RHOJ: variants seen among roughly 807,000 people sequenced by gnomAD.
RHOJ encodes rho-related GTP-binding protein RhoJ.
A neutral mutation model predicts 23.4 loss-of-function variants in RHOJ; 11 were observed. That is an observed-to-expected ratio of 0.47 (90% confidence interval 0.30 to 0.78). The LOEUF is 0.78. RHOJ is among the 30% of genes least tolerant of loss of function. The probability of loss-of-function intolerance (pLI) is 0.08; values close to 1 mark genes in which losing one functional copy is unlikely to be tolerated. For missense variants in RHOJ, 254 were observed against 273.4 expected (o/e 0.93, Z 0.50); for synonymous variants, 102 against 102.7 (o/e 0.99, Z 0.04).
chr14:63,225,379 C>A (rs573594067), intron 1 of RHOJ, among the ~76,000 whole-genome samples: 93 of 152,164 alleles, frequency 6.1e-4, no homozygotes, highest in Non-Finnish European at 1.1e-3. Context: ...AAAAAGAAAA[C>A]AAAGCCATTT....
chr14:63,207,320 G>A (rs555309685), intron 1 of RHOJ, among the ~76,000 whole-genome samples: 21 of 152,214 alleles, frequency 1.4e-4, no homozygotes, highest in Non-Finnish European at 2.4e-4. Context: ...GTGAGCCACC[G>A]CGCCCAACCA....
At chr14:63,228,626 G>GT (rs1420970766) in intron 1 of RHOJ, among the ~76,000 whole-genome samples, 3 of 150,784 alleles carry the variant, frequency 2.0e-5, no homozygotes, top group Non-Finnish European at 4.4e-5. Context: ...TCCATATGTG[G>GT]TTAAAAAAAA....
intron 1 of RHOJ, among the ~76,000 whole-genome samples, chr14:63,260,209 G>A (rs181181333): frequency 5.0e-4 from 76 of 152,272 alleles, no homozygotes; most frequent in African/African-American, 1.7e-3. Context: ...ATTCTCAAAT[G>A]CACAATATTT....
intron 1 of RHOJ, among the ~76,000 whole-genome samples, chr14:63,230,621 C>A (rs1391109151): frequency 6.6e-6 from 1 of 151,782 alleles, no homozygotes; most frequent in East Asian, 1.9e-4. Flanking sequence ...TAAAAACGAG[C>A]TACTCTCCAC....
At chr14:63,264,514 T>C (rs984941911) in intron 1 of RHOJ, among the ~76,000 whole-genome samples, 1 of 152,192 alleles carries the variant, frequency 6.6e-6, no homozygotes, top group Non-Finnish European at 1.5e-5. Flanking sequence ...GAACAGTTTT[T>C]TGGTCTTTGG....
chr14:63,284,746 T>C (rs1882026189), intron 4 of RHOJ, among the ~76,000 whole-genome samples: 1 of 152,228 alleles, frequency 6.6e-6, no homozygotes, highest in South Asian at 2.1e-4. Context: ...GATGTCCCCA[T>C]TGGCCGGCAC....
chr14:63,247,320 T>C (rs552616655), intron 1 of RHOJ, among the ~76,000 whole-genome samples: 1 of 152,316 alleles, frequency 6.6e-6, no homozygotes, highest in Admixed American at 6.5e-5. Flanking sequence ...GTTTCCCTGC[T>C]CACCAAATGT....
intron 2 of RHOJ, among the ~76,000 whole-genome samples, chr14:63,272,492 A>G (rs969516944): frequency 6.6e-6 from 1 of 152,244 alleles, no homozygotes; most frequent in Non-Finnish European, 1.5e-5. Flanking sequence ...GTGCGTGAAT[A>G]AACCAAGAAG....
chr14:63,207,683 C>A (rs1407096662), intron 1 of RHOJ, among the ~76,000 whole-genome samples: 1 of 152,216 alleles, frequency 6.6e-6, no homozygotes, highest in Non-Finnish European at 1.5e-5. Context: ...ACCTACTGTG[C>A]AAGATGGTGA....
intron 2 of RHOJ, among the ~76,000 whole-genome samples, chr14:63,273,408 C>T (rs772525126): frequency 1.3e-5 from 2 of 152,178 alleles, no homozygotes; most frequent in Non-Finnish European, 2.9e-5. Flanking sequence ...ATCTTTGGCT[C>T]AGCTATGAAA....
chr14:63,205,160 A>G (rs531697162), intron 1 of RHOJ, 113 bp downstream of exon 1: 63 of 1,136,306 alleles, frequency 5.5e-5, no homozygotes, highest in Non-Finnish European at 7.2e-5. Flanking sequence ...CGGGCCTGGC[A>G]GTAACCAGGG....
At chr14:63,285,527 G>T (rs145325398) in intron 4 of RHOJ, among the ~76,000 whole-genome samples, 138 of 152,116 alleles carry the variant, frequency 9.1e-4, no homozygotes, top group Non-Finnish European at 1.7e-3. Context: ...GTCTCAAAGG[G>T]TGTTTTATTT....
chr14:63,290,822 C>T, intron 4 of RHOJ, 56 bp from the exon 5 acceptor site: 1 of 1,543,988 alleles, frequency 6.5e-7, no homozygotes, highest in Non-Finnish European at 8.8e-7. Flanking sequence ...GAGTTGATAC[C>T]ACTGTGCTTT....
intron 1 of RHOJ, among the ~76,000 whole-genome samples, chr14:63,226,552 A>T (rs1046735064): frequency 2.7e-5 from 4 of 150,506 alleles, no homozygotes; most frequent in African/African-American, 9.7e-5. Flanking sequence ...ATATATAAAT[A>T]AAATAAAATA....
chr14:63,288,998 AC>A (rs1882167971), intron 4 of RHOJ, among the ~76,000 whole-genome samples: 1 of 152,062 alleles, frequency 6.6e-6, no homozygotes. Flanking sequence ...GTATCAAGAG[AC>A]CCAGATTCTG....
intron 2 of RHOJ, among the ~76,000 whole-genome samples, chr14:63,277,998 C>G (rs867945811): frequency 1.3e-5 from 2 of 151,268 alleles, no homozygotes; most frequent in African/African-American, 2.4e-5. Context: ...CACACACACA[C>G]ACAGACATAG....
chr14:63,208,096 A>G (rs551735407), intron 1 of RHOJ, among the ~76,000 whole-genome samples: 3 of 152,226 alleles, frequency 2.0e-5, no homozygotes, highest in Non-Finnish European at 4.4e-5. Context: ...CAATATGTTT[A>G]TATGAGGTAA....
At chr14:63,208,939 C>T (rs1012369134) in intron 1 of RHOJ, among the ~76,000 whole-genome samples, 1 of 152,118 alleles carries the variant, frequency 6.6e-6, no homozygotes, top group Non-Finnish European at 1.5e-5. Context: ...CCTAGGCTTC[C>T]CCATGTATGT....
At chr14:63,278,849 G>A (rs1881811314) in intron 2 of RHOJ, among the ~76,000 whole-genome samples, 1 of 152,050 alleles carries the variant, frequency 6.6e-6, no homozygotes, top group African/African-American at 2.4e-5. Flanking sequence ...GGCTGGGTGT[G>A]GTGGCATGTG....
Sources: allele counts gnomAD v4.1 joint callset (sites outside exome capture counted in the v4.1 genomes callset), GRCh38; gene constraint gnomAD v4.1.1; transcripts MANE v1.5; gene names NCBI Gene and HGNC (gene_info 2026-07-23, HGNC 2026-07-21).